ST7: variants seen among roughly 807,000 people sequenced by gnomAD.
ST7 encodes the protein suppressor of tumorigenicity 7 protein.
ST7 carries 28 observed loss-of-function variants against 78.7 expected under a neutral mutation model. The ratio of observed to expected loss-of-function variants is 0.36; its 90% CI spans 0.26 to 0.49. The LOEUF is 0.49. ST7 is among the 20% of genes least tolerant of loss of function. ST7 has a pLI of 0.99. For missense variants in ST7, 418 were observed against 696.0 expected, an observed-to-expected ratio of 0.60 and a Z score of 4.49; for synonymous variants, 247 against 249.6, an observed-to-expected ratio of 0.99 and a Z score of 0.10.
chr7:117,020,431 G>GT, intron 1 of ST7: 4 of 662,476 alleles, frequency 6.0e-6, no homozygotes, highest in Non-Finnish European at 9.7e-6. Flanking sequence ...ACTGAAGCTC[G>GT]TAACAGGAGA....
intron 1 of ST7, among the ~76,000 whole-genome samples, chr7:116,979,958 C>CTTTTTTTT (rs745530832): frequency 0.63 from 53,846 of 85,590 alleles, 17,103 homozygotes; most frequent in South Asian, 0.78. Flanking sequence ...TTTTGTTTCT[C>CTTTTTTTT]TTTTTTTTTT....
intron 1 of ST7, among the ~76,000 whole-genome samples, chr7:117,048,057 A>G (rs1022408293): frequency 2.0e-5 from 3 of 152,230 alleles, no homozygotes; most frequent in African/African-American, 7.2e-5. Flanking sequence ...TATTCTCATA[A>G]TAAGAAAATC....
chr7:117,131,848 A>G (rs749030977), intron 5 of ST7, 37 bp from the exon 6 acceptor site: 9 of 1,554,862 alleles, frequency 5.8e-6, no homozygotes, highest in Non-Finnish European at 8.0e-6. Context: ...AATTATATGT[A>G]TGGATTGACT....
At chr7:117,119,394 TTAAATGTTATTA>T (rs1302765421) in intron 2 of ST7, among the ~76,000 whole-genome samples, 155 bp from the exon 3 acceptor site, 1 of 152,234 alleles carries the variant, frequency 6.6e-6, no homozygotes, top group Non-Finnish European at 1.5e-5. Context: ...ACTGAGAATT[TTAAATGTTATTA>T]TTAAATTTAC....
chr7:117,141,335 T>C (rs1272577987), intron 9 of ST7, among the ~76,000 whole-genome samples: 1 of 152,132 alleles, frequency 6.6e-6, no homozygotes, highest in African/African-American at 2.4e-5. Flanking sequence ...AAGGGGAAAC[T>C]GTTAATTGAA....
chr7:117,041,622 TTC>T (rs1300614978), intron 1 of ST7, among the ~76,000 whole-genome samples: 1 of 152,168 alleles, frequency 6.6e-6, no homozygotes, highest in Admixed American at 6.5e-5. Context: ...TAAATGCCCC[TTC>T]TCTCTGCATA....
chr7:116,966,253 T>TC (rs946429606), intron 1 of ST7: 2 of 286,542 alleles, frequency 7.0e-6, no homozygotes, highest in African/African-American at 4.7e-5. Context: ...CTTTCTTTTT[T>TC]TTTTTTTTTT....
intron 12 of ST7, among the ~76,000 whole-genome samples, chr7:117,208,007 G>T (rs202201659): frequency 1.3e-5 from 2 of 151,740 alleles, no homozygotes; most frequent in East Asian, 3.9e-4. Flanking sequence ...ACATTTTAAT[G>T]GTTCCTATTA....
rs1793490021 is a variant in ST7, at chr7:116,972,677, C to T, written c.151+18986C>T. 3 of 1,053,976 alleles carry T rather than the reference C, an allele frequency of 2.8e-6. No individual in the cohort carries two copies. In the African/African-American group the frequency reaches 4.7e-5, roughly 16 times the overall value. 65.3% of individuals were successfully genotyped at this position (1,053,976 alleles called of 1,614,324 possible). A position where few individuals can be genotyped will look rare whatever the true frequency, so the allele number is the denominator to read the frequency against. On this transcript the variant is annotated intron_variant, in intron 1 of 15. Transcript: ENST00000323984. ...CTCTCATCAGCAGTTTTTTCCGCTT[C>T]TTCCAGCTTTTGCAGGGCAGTGGCT...
intron 1 of ST7, among the ~76,000 whole-genome samples, chr7:116,966,894 A>G (rs1352758708): frequency 4.6e-5 from 7 of 152,204 alleles, no homozygotes; most frequent in Non-Finnish European, 7.3e-5. Context: ...TTCTTGCAGC[A>G]CAATGTTGTA....
chr7:116,978,709 C>G (rs1176682738), intron 1 of ST7, among the ~76,000 whole-genome samples: 1 of 152,086 alleles, frequency 6.6e-6, no homozygotes, highest in Non-Finnish European at 1.5e-5. Context: ...GCCTCAGCCT[C>G]CGAGTAGCTG....
At chr7:117,150,431 G>C (rs1238519705) in intron 9 of ST7, among the ~76,000 whole-genome samples, 2 of 152,008 alleles carry the variant, frequency 1.3e-5, no homozygotes, top group Non-Finnish European at 2.9e-5. Context: ...GCTTTTTTAA[G>C]CTCTTCAGGT....
intron 9 of ST7, among the ~76,000 whole-genome samples, chr7:117,154,516 A>T (rs575557791): frequency 2.0e-5 from 3 of 152,328 alleles, no homozygotes; most frequent in South Asian, 2.1e-4. Context: ...GTGCAGAGTG[A>T]CAGGGTTCCT....
intron 3 of ST7, among the ~76,000 whole-genome samples, chr7:117,129,590 G>A (rs1804163995): frequency 1.3e-5 from 2 of 151,860 alleles, no homozygotes. Flanking sequence ...GGCCCAGAGA[G>A]ATTAGGCAAA....
intron 13 of ST7, 93 bp downstream of exon 13, chr7:117,210,030 A>G (rs1792155632): frequency 5.7e-6 from 8 of 1,409,342 alleles, no homozygotes; most frequent in African/African-American, 1.4e-5. Context: ...GAAGATTTAC[A>G]TATGTACTGC....
chr7:117,061,840 T>C (rs1798372540), intron 1 of ST7, among the ~76,000 whole-genome samples: 1 of 152,218 alleles, frequency 6.6e-6, no homozygotes, highest in Non-Finnish European at 1.5e-5. Context: ...AGCTTAAGAA[T>C]CTAAGCACAT....
intron 1 of ST7, among the ~76,000 whole-genome samples, chr7:117,010,475 A>G (rs1474122224): frequency 1.3e-5 from 2 of 152,200 alleles, no homozygotes; most frequent in African/African-American, 4.8e-5. Context: ...ACAAAACATG[A>G]AAAGGAAATG....
At chr7:117,170,458 A>G (rs1448803223) in intron 9 of ST7, among the ~76,000 whole-genome samples, 2 of 152,156 alleles carry the variant, frequency 1.3e-5, no homozygotes, top group Non-Finnish European at 2.9e-5. Flanking sequence ...CGAGGCGGGC[A>G]GATCATGAGG....
In ST7 at chr7:117,228,923, A is replaced by T. The variant is rs79818348; in HGVS notation, c.1639-839A>T. On this transcript the variant is annotated intron_variant, in intron 15 of 15. Coordinates refer to ENST00000323984, the MANE Select transcript of ST7 (RefSeq NM_001369598.1). ...GAGAGGGCAATGAAACCATCCCAACAACTCTCTCTTCCCTGACTGGGATAG... is the reference window on the plus strand; with the variant it reads ...GAGAGGGCAATGAAACCATCCCAACTACTCTCTCTTCCCTGACTGGGATAG... Among the ~76,000 whole-genome samples the T allele has an allele frequency of 4.6e-3, 698 of 152,130 alleles. 5 individuals carry two copies. The highest frequency in any genetic ancestry group is 8.8e-3 in the Admixed American group (134 of 15,284).
Sources: gnomAD v4.1 joint callset for allele counts (sites outside exome capture counted in the v4.1 genomes callset) on GRCh38, gnomAD v4.1.1 for gene constraint, MANE v1.5 for transcripts, NCBI Gene and HGNC (gene_info 2026-07-23, HGNC 2026-07-21) for gene names.